ADTRP: variants seen among roughly 807,000 people sequenced by gnomAD.
The protein encoded by ADTRP is androgen-dependent TFPI-regulating protein.
Under a neutral mutation model 27.0 loss-of-function variants are expected in ADTRP, and 20 were observed. That is an observed-to-expected ratio of 0.74 (90% CI 0.52 to 1.08). ADTRP has a LOEUF of 1.08. ADTRP is among the 50% of genes least tolerant of loss of function. The pLI is 0.00. For synonymous variants in ADTRP, 101 were observed against 105.2 expected, an observed-to-expected ratio of 0.96 and a Z score of 0.25; for missense variants, 251 against 275.0, an observed-to-expected ratio of 0.91 and a Z score of 0.62.
chr6:11,717,894 T>C (rs210910), intron 5 of ADTRP, among the ~76,000 whole-genome samples: 130,809 of 152,306 alleles, frequency 0.86, 56,514 homozygotes, highest in East Asian at 1. Flanking sequence ...GCTGCCCCAG[T>C]GGGACCATGC....
chr6:11,764,974 G>A (rs1013325591), intron 3 of ADTRP, among the ~76,000 whole-genome samples: 2 of 151,270 alleles, frequency 1.3e-5, no homozygotes, highest in African/African-American at 2.4e-5. Flanking sequence ...AACTGGGAAG[G>A]TGAAGAGTTT....
chr6:11,756,979 TA>T (rs1763232543), intron 3 of ADTRP, among the ~76,000 whole-genome samples: 1 of 152,234 alleles, frequency 6.6e-6, no homozygotes, highest in African/African-American at 2.4e-5. Flanking sequence ...TGATAGCAAC[TA>T]ACACTGACTC....
chr6:11,774,109 C>G (rs1471114297), intron 1 of ADTRP, among the ~76,000 whole-genome samples: 1 of 151,612 alleles, frequency 6.6e-6, no homozygotes, highest in African/African-American at 2.4e-5. Flanking sequence ...GAGTTTGAGA[C>G]CAACCTGGCC....
At chr6:11,732,431 G>C (rs143750747) in intron 4 of ADTRP, among the ~76,000 whole-genome samples, 1 of 152,150 alleles carries the variant, frequency 6.6e-6, no homozygotes, top group Non-Finnish European at 1.5e-5. Context: ...GTCTCCATGG[G>C]TGTCTGCAGT....
At chr6:11,743,871 C>A (rs1478129590) in intron 3 of ADTRP, among the ~76,000 whole-genome samples, 1 of 152,184 alleles carries the variant, frequency 6.6e-6, no homozygotes, top group Non-Finnish European at 1.5e-5. Context: ...GGCAGGGTTG[C>A]AGAATCAACC....
intron 5 of ADTRP, among the ~76,000 whole-genome samples, chr6:11,714,713 C>T (rs1472656631): frequency 6.6e-6 from 1 of 152,226 alleles, no homozygotes; most frequent in African/African-American, 2.4e-5. Flanking sequence ...GCCGTCCTCC[C>T]TCAGTGCTGG....
intron 1 of ADTRP, among the ~76,000 whole-genome samples, chr6:11,769,245 C>T (rs1763680570): frequency 6.6e-6 from 1 of 152,028 alleles, no homozygotes; most frequent in Admixed American, 6.5e-5. Context: ...CCTTGAAAGC[C>T]CTGGACTGGT....
rs1254920023 is a variant in ADTRP, at chr6:11,760,578, C to A, written c.390+5696G>T. On this transcript the variant is annotated intron_variant, in intron 3 of 5. Coordinates refer to ENST00000414691, the MANE Select transcript of ADTRP (RefSeq NM_032744.4). Reference sequence around the variant, plus strand: ...TATCTTATCTAACCATAACTACCCCCTAGGTGATTTTATTAAATTTAACTT... The same window carrying A: ...TATCTTATCTAACCATAACTACCCCATAGGTGATTTTATTAAATTTAACTT... Among the ~76,000 whole-genome samples, 3 of 152,082 alleles carry A rather than the reference C, an allele frequency of 2.0e-5. No individual in the cohort carries two copies. In the East Asian group the frequency reaches 5.8e-4, roughly 29 times the overall value.
chr6:11,744,671 C>A (rs530862226), intron 3 of ADTRP, among the ~76,000 whole-genome samples: 11 of 152,318 alleles, frequency 7.2e-5, no homozygotes, highest in Non-Finnish European at 1.5e-4. Context: ...CACCCTCCTC[C>A]ATGCTTCTTT....
chr6:11,766,201 G>A, intron 3 of ADTRP, 73 bp downstream of exon 3: 1 of 1,119,234 alleles, frequency 8.9e-7, no homozygotes, highest in Non-Finnish European at 1.3e-6. Flanking sequence ...TGGAAACATA[G>A]ATAAGGCACT....
chr6:11,778,460 A>T, intron 1 of ADTRP, 147 bp downstream of exon 1: 1 of 1,172,506 alleles, frequency 8.5e-7, no homozygotes, highest in Non-Finnish European at 1.2e-6. Context: ...ATTGTTAAGT[A>T]AACAAAAAAC....
chr6:11,732,723 G>T (rs945368572), intron 4 of ADTRP, among the ~76,000 whole-genome samples: 25 of 151,996 alleles, frequency 1.6e-4, no homozygotes, highest in African/African-American at 5.8e-4. Flanking sequence ...GGGCACTGGG[G>T]CTCACCCAGT....
chr6:11,741,879 T>A (rs1015617531), intron 3 of ADTRP, among the ~76,000 whole-genome samples: 1 of 152,084 alleles, frequency 6.6e-6, no homozygotes, highest in African/African-American at 2.4e-5. Flanking sequence ...CCTACACACC[T>A]GCTGTCAGTG....
intron 2 of ADTRP, among the ~76,000 whole-genome samples, chr6:11,767,107 C>T (rs543017367): frequency 1.3e-5 from 2 of 152,356 alleles, no homozygotes; most frequent in East Asian, 1.9e-4. Flanking sequence ...CTTGGTGGCT[C>T]ATGCCTGTAA....
chr6:11,733,054 G>A (rs1762437020), intron 4 of ADTRP, among the ~76,000 whole-genome samples: 1 of 152,224 alleles, frequency 6.6e-6, no homozygotes, highest in Admixed American at 6.5e-5. Context: ...CCATGGGCAT[G>A]TCATCTACCC....
intron 4 of ADTRP, among the ~76,000 whole-genome samples, chr6:11,729,242 CAGAA>C (rs1186458966): frequency 6.6e-6 from 1 of 152,028 alleles, no homozygotes; most frequent in Non-Finnish European, 1.5e-5. Flanking sequence ...ATAAATCAAA[CAGAA>C]AGAGTCAGGA....
chr6:11,717,114 C>A, intron 5 of ADTRP: 2 of 567,714 alleles, frequency 3.5e-6, no homozygotes, highest in Non-Finnish European at 5.2e-6. Flanking sequence ...ACCAAATTCA[C>A]AAAATGGATT....
At chr6:11,775,271 C>G (rs983325361) in intron 1 of ADTRP, among the ~76,000 whole-genome samples, 1 of 152,142 alleles carries the variant, frequency 6.6e-6, no homozygotes, top group African/African-American at 2.4e-5. Context: ...ACCATCACCT[C>G]CCCATCTTCT....
chr6:11,729,303 G>C (rs1163462259), intron 4 of ADTRP, among the ~76,000 whole-genome samples: 1 of 152,148 alleles, frequency 6.6e-6, no homozygotes, highest in Admixed American at 6.5e-5. Context: ...CCTAGATGTT[G>C]AGGTGTCGGC....
Sources: allele counts gnomAD v4.1 joint callset (sites outside exome capture counted in the v4.1 genomes callset), GRCh38; gene constraint gnomAD v4.1.1; transcripts MANE v1.5; gene names NCBI Gene and HGNC (gene_info 2026-07-23, HGNC 2026-07-21).